The following ERAP2 variants were observed in gnomAD, a reference collection of about 807,000 sequenced individuals.
ERAP2 encodes leukocyte-derived arginine aminopeptidase.
Under a neutral mutation model 111.1 loss-of-function variants are expected in ERAP2, and 118 were observed. The ratio of observed to expected loss-of-function variants is 1.06; its 90% CI spans 0.92 to 1.24. The LOEUF (loss-of-function observed/expected upper bound fraction) is 1.24, where lower values mean the gene tolerates loss of function less well. Ranked by LOEUF, ERAP2 falls within the 50% of genes most tolerant of loss-of-function variation. ERAP2 has a pLI of 0.00. For missense variants in ERAP2, 1,131 were observed against 1,125.8 expected, an observed-to-expected ratio of 1.00 and a Z score of -0.07; for synonymous variants, 410 against 401.2, an observed-to-expected ratio of 1.02 and a Z score of -0.26.
intron 1 of ERAP2, among the ~76,000 whole-genome samples, chr5:96,876,813 T>G (rs932525297): frequency 1.3e-5 from 2 of 152,224 alleles, no homozygotes; most frequent in African/African-American, 4.8e-5. Context: ...TTTTGTTCAC[T>G]GCATTGCTAT....
At chr5:96,914,034 T>C (rs568742577) in intron 17 of ERAP2, among the ~76,000 whole-genome samples, 5 of 152,256 alleles carry the variant, frequency 3.3e-5, no homozygotes, top group East Asian at 1.9e-4. Flanking sequence ...CTGGAGCTCA[T>C]TTCAATATGT....
At chr5:96,887,579 C>T (rs1328920934) in intron 4 of ERAP2, among the ~76,000 whole-genome samples, 1 of 152,176 alleles carries the variant, frequency 6.6e-6, no homozygotes, top group African/African-American at 2.4e-5. Context: ...GGATTACAGG[C>T]GTGAGCCACC....
intron 5 of ERAP2, among the ~76,000 whole-genome samples, chr5:96,891,294 A>C (rs967612349): frequency 2.0e-5 from 3 of 151,756 alleles, no homozygotes; most frequent in Non-Finnish European, 4.4e-5. Context: ...GCCTACGTGA[A>C]ATCATTAGCA....
chr5:96,902,941 G>A (rs563834792), intron 12 of ERAP2: 10 of 154,572 alleles, frequency 6.5e-5, no homozygotes, highest in East Asian at 1.9e-4. Context: ...GAGGTTTTCC[G>A]TCACAAAGTC....
chr5:96,912,850 G>A (rs1786954777), intron 16 of ERAP2, 52 bp downstream of exon 16: 1 of 1,474,266 alleles, frequency 6.8e-7, no homozygotes, highest in Non-Finnish European at 9.2e-7. Context: ...CACAAATTCA[G>A]TGAAGTCACT....
At position 96,909,679 on chromosome 5, in the gene ERAP2, C is replaced by G; in HGVS notation, c.2269C>G (p.Leu757Val). The change falls in exon 15 of 19, where the codon CTG becomes GTG. Residue 757 changes from leucine (L) to valine (V), a missense_variant. Leu to Val is a conservative substitution (Grantham distance 32). Around this residue, in one of 3 missense-constraint regions of ERAP2, gnomAD observed 279 missense variants for 250.9 expected, o/e 1.11. Coordinates refer to ENST00000437043, the MANE Select transcript of ERAP2 (RefSeq NM_022350.5). Reference protein sequence around the residue: ...DRMLRSALLKLACDLNHAPCI... With the variant: ...DRMLRSALLKVACDLNHAPCI... ...GATGCTCCGCTCGGCTCTCTTGAAG[C>G]TGGCCTGTGACCTGAACCATGCTCC... 1 of 1,614,212 alleles carries G rather than the reference C, an allele frequency of 6.2e-7. No individual in the cohort carries two copies. The highest frequency in any genetic ancestry group is 8.5e-7 in the Non-Finnish European group (1 of 1,180,024).
intron 2 of ERAP2, among the ~76,000 whole-genome samples, chr5:96,882,365 C>A (rs534282385): frequency 1.1e-4 from 16 of 152,254 alleles, no homozygotes; most frequent in African/African-American, 3.9e-4. Context: ...GCATGCCTCC[C>A]GTGATTAATT....
rs1787725005 is a variant in ERAP2, at chr5:96,918,993, C to G, written c.*1388C>G. ...TGGAATAAAGAAAGAAAAGATCACT[C>G]TACATACAGATAGTAAACTTAATTT... On this transcript the variant is annotated 3_prime_UTR_variant, in exon 19 of 19. Coordinates refer to ENST00000437043, the MANE Select transcript of ERAP2 (RefSeq NM_022350.5). 1 of 152,092 alleles carries G rather than the reference C, an allele frequency of 6.6e-6. No individual in the cohort carries two copies. Among genetic ancestry groups the G allele is most frequent in the Non-Finnish European group, 1.5e-5 (1 of 68,028 alleles). 9.4% of individuals were successfully genotyped at this position (152,092 alleles called of 1,614,324 possible).
intron 15 of ERAP2, among the ~76,000 whole-genome samples, chr5:96,911,488 A>G (rs569304531): frequency 2.6e-5 from 4 of 152,320 alleles, no homozygotes; most frequent in African/African-American, 7.2e-5. Flanking sequence ...CTGCATCTTA[A>G]CAGTTTTAAA....
chr5:96,890,070 T>C (rs10434709), intron 5 of ERAP2, among the ~76,000 whole-genome samples: 83,452 of 151,998 alleles, frequency 0.55, 22,940 homozygotes, highest in Admixed American at 0.6. Context: ...AACAGATCAT[T>C]TGGTTGTGGT....
intron 1 of ERAP2, among the ~76,000 whole-genome samples, chr5:96,878,857 G>T (rs897622071): frequency 3.3e-5 from 5 of 152,158 alleles, no homozygotes; most frequent in South Asian, 2.1e-4. Context: ...GAACCCCAGA[G>T]GCAGAGGTTG....
intron 13 of ERAP2, among the ~76,000 whole-genome samples, chr5:96,905,450 T>C (rs966748546): frequency 2.6e-5 from 4 of 152,250 alleles, no homozygotes; most frequent in African/African-American, 9.6e-5. Context: ...TATTTACTTA[T>C]ATTACATTTA....
At chr5:96,884,034 TTATCTATC>T (rs59325486) in intron 3 of ERAP2, 104 bp downstream of exon 3, 44,731 of 602,070 alleles carry the variant, frequency 0.074, 2,420 homozygotes, top group Middle Eastern at 0.077. Flanking sequence ...TAATTTGTTT[TTATCTATC>T]TATCTATCTA....
chr5:96,898,572 C>CAAAAAAAAAAAAAAAAAAAAA (rs770783071), intron 9 of ERAP2, among the ~76,000 whole-genome samples: 1 of 94,470 alleles, frequency 1.1e-5, no homozygotes, highest in Non-Finnish European at 2.0e-5. Context: ...TACTAAAATA[C>CAAAAAAAAAAAAAAAAAAAAA]AAAAAAAAAA....
rs778876602 is a variant in ERAP2 at position 96,879,678 on chromosome 5, T to C, written c.-8T>C. The stretch of plus-strand genomic sequence containing the variant: ...GGATATTAACTTGTCTTCTAGAGAA[T>C]AGATTTCATGTTCCATTCTTCTGCA... On this transcript the variant is annotated 5_prime_UTR_variant, in exon 2 of 19. The change abolishes the stop of an existing upstream ORF in the 5' untranslated region. Transcript: ENST00000437043. The C allele has an allele frequency of 1.3e-5, 21 of 1,610,902 alleles. No homozygotes were observed. The highest frequency in any genetic ancestry group is 1.6e-4 in the Middle Eastern group (1 of 6,074).
chr5:96,917,463 T>C lies in ERAP2; in HGVS notation c.2741T>C (p.Val914Ala), dbSNP rs1271720437. 6.2e-7 allele frequency: 1 copy of C among 1,609,846 alleles called. No individual in the cohort carries two copies. Among genetic ancestry groups the C allele is most frequent in the African/African-American group, 1.3e-5 (1 of 74,562 alleles). ...HFSSKDKLQEVKLFFESLEAQ... is the reference protein window; with the variant it reads ...HFSSKDKLQEAKLFFESLEAQ... ...ATTTTTTTCTTCAATATTTTACAGG[T>C]GAAACTATTTTTTGAATCTCTTGAG... Residue 914 changes from valine (V) to alanine (A), a missense_variant and splice_region_variant, in exon 19 of 19, where the codon GTG becomes GCG. Physicochemically the swap from Val to Ala is moderately conservative, Grantham distance 64. Coordinates refer to ENST00000437043, the MANE Select transcript of ERAP2 (RefSeq NM_022350.5).
In ERAP2 at chr5:96,904,092, G is replaced by T. The variant is rs190416766; in HGVS notation, c.2012+532G>T. Among the ~76,000 whole-genome samples, 932 of 152,330 alleles carry T rather than the reference G, an allele frequency of 6.1e-3. 5 individuals carry two copies. The highest frequency in any genetic ancestry group is 1.0e-2 in the Non-Finnish European group (677 of 68,032). ...TCTTAACTTTTATAATTTTAAATGG[G>T]TTGTTATGAAATCTATTCATTACTT... On this transcript the variant is annotated intron_variant, in intron 13 of 18. Coordinates refer to ENST00000437043, the MANE Select transcript of ERAP2 (RefSeq NM_022350.5).
chr5:96,898,979 A>C (rs17486181), intron 9 of ERAP2, among the ~76,000 whole-genome samples: 5,776 of 152,252 alleles, frequency 0.038, 190 homozygotes, highest in Middle Eastern at 0.12. Context: ...AACACGGAAG[A>C]ATCTATCATT....
At chr5:96,894,902 T>C (rs1192222682) in intron 6 of ERAP2, among the ~76,000 whole-genome samples, 2 of 152,122 alleles carry the variant, frequency 1.3e-5, no homozygotes, top group Non-Finnish European at 2.9e-5. Flanking sequence ...ATTGTTCTTA[T>C]TGGGCAGGAA....
Sources: allele counts gnomAD v4.1 joint callset (sites outside exome capture counted in the v4.1 genomes callset), GRCh38; gene constraint gnomAD v4.1.1; regional missense constraint gnomAD v4.1.1; transcripts MANE v1.5; gene names NCBI Gene and HGNC (gene_info 2026-07-23, HGNC 2026-07-21).